The following GTF2IRD1 variants were observed in gnomAD, a reference collection of about 807,000 sequenced individuals.
The protein encoded by GTF2IRD1 is general transcription factor II-I repeat domain-containing protein 1.
A neutral mutation model predicts 113.2 loss-of-function variants in GTF2IRD1; 26 were observed. The ratio of observed to expected loss-of-function variants is 0.23; its 90% CI spans 0.17 to 0.32. The LOEUF (loss-of-function observed/expected upper bound fraction) is 0.32, where lower values mean the gene tolerates loss of function less well. Among genes scored for constraint, GTF2IRD1 ranks in the 10% least tolerant of loss-of-function variants. GTF2IRD1 has a pLI of 1.00. For missense variants in GTF2IRD1, 864 were observed against 1,280.8 expected (o/e 0.67, Z 4.97); for synonymous variants, 484 against 529.1 (o/e 0.91, Z 1.17).
intron 22 of GTF2IRD1, among the ~76,000 whole-genome samples, chr7:74,565,218 C>A (rs1475614281): frequency 6.6e-6 from 1 of 152,122 alleles, no homozygotes; most frequent in Non-Finnish European, 1.5e-5. Flanking sequence ...CTGCCTGCAG[C>A]GGCACTGAAT....
intron 25 of GTF2IRD1, among the ~76,000 whole-genome samples, chr7:74,599,719 C>T (rs1802632058): frequency 1.3e-5 from 2 of 152,162 alleles, no homozygotes; most frequent in African/African-American, 4.8e-5. Flanking sequence ...TTTCAACCTT[C>T]ACCATGTTGC....
At chr7:74,575,889 A>G (rs1326172446) in intron 22 of GTF2IRD1, among the ~76,000 whole-genome samples, 1 of 152,140 alleles carries the variant, frequency 6.6e-6, no homozygotes, top group African/African-American at 2.4e-5. Context: ...TTCAAGCCTT[A>G]AAACAGGCCG....
intron 24 of GTF2IRD1, among the ~76,000 whole-genome samples, chr7:74,592,331 C>T (rs1392964869): frequency 4.6e-5 from 7 of 151,786 alleles, no homozygotes; most frequent in African/African-American, 1.5e-4. Context: ...TCTCAAACTC[C>T]TGACCTCAGG....
chr7:74,521,638 C>T (rs782647196), intron 7 of GTF2IRD1, among the ~76,000 whole-genome samples: 21 of 151,930 alleles, frequency 1.4e-4, no homozygotes, highest in Admixed American at 5.3e-4. Context: ...GGTGCCTACC[C>T]GTAGTCCCAG....
At chr7:74,472,924 C>T (rs1427137930) in intron 1 of GTF2IRD1, among the ~76,000 whole-genome samples, 2 of 152,152 alleles carry the variant, frequency 1.3e-5, no homozygotes, top group African/African-American at 4.8e-5. Flanking sequence ...TTTGCTGCAG[C>T]GTACCCTGGA....
intron 1 of GTF2IRD1, among the ~76,000 whole-genome samples, chr7:74,462,160 G>T (rs970093061): frequency 6.6e-6 from 1 of 151,716 alleles, no homozygotes; most frequent in Non-Finnish European, 1.5e-5. Context: ...GATCACTTGA[G>T]GCCAAGAATT....
At chr7:74,551,466 GC>G (rs1468744978) in intron 17 of GTF2IRD1, among the ~76,000 whole-genome samples, 1 of 152,236 alleles carries the variant, frequency 6.6e-6, no homozygotes, top group Non-Finnish European at 1.5e-5. Flanking sequence ...ACCAAGTCCT[GC>G]CCTGGAGTTG....
intron 1 of GTF2IRD1, among the ~76,000 whole-genome samples, chr7:74,481,817 A>G (rs1332825969): frequency 6.6e-6 from 1 of 152,254 alleles, no homozygotes; most frequent in Non-Finnish European, 1.5e-5. Context: ...TTATAGAATT[A>G]TAAGTCCTGG....
Position 74,476,366 on chromosome 7 carries a change from C to CTTTTTTTTTTTTT in GTF2IRD1, c.-7+22201_-7+22202insTTTTTTTTTTTTT, listed in dbSNP as rs61151844. ...CCCGCTTGGAAGCCTTCTGAACCTCCTTTTTTTTTTTCTTTTGAGACGGAG... is the reference window on the plus strand; with the variant it reads ...CCCGCTTGGAAGCCTTCTGAACCTCCTTTTTTTTTTTTTTTTTTTTTTTTCTTTTGAGACGGAG... On this transcript the variant is annotated intron_variant, in intron 1 of 26. Coordinates refer to ENST00000424337, the MANE Select transcript of GTF2IRD1 (RefSeq NM_005685.4). Among the ~76,000 whole-genome samples, 497 of 122,088 alleles carry CTTTTTTTTTTTTT rather than the reference C, an allele frequency of 4.1e-3. 58 individuals carry two copies. Among genetic ancestry groups the CTTTTTTTTTTTTT allele is most frequent in the African/African-American group, 7.7e-3 (236 of 30,470 alleles). The allele number at this position is 122,088 out of a possible 152,430, so 80.1% of individuals were successfully genotyped here.
In GTF2IRD1 at chr7:74,555,972, G is replaced by A. The variant is rs1799567443; in HGVS notation, c.2023+478G>A. ...TTTTTAAGAAAAGAAATCAGAGGCC[G>A]AGTGCAGTGGCTCACGCCTGTAATC... On this transcript the variant is annotated intron_variant, in intron 19 of 26. Coordinates refer to ENST00000424337, the MANE Select transcript of GTF2IRD1 (RefSeq NM_005685.4). This position sits in a 1 kb window ranked among gnomAD's most constrained non-coding sequence, Gnocchi z 5.3. Among the ~76,000 whole-genome samples, 1 of 152,176 alleles carries A rather than the reference G, an allele frequency of 6.6e-6. No individual in the cohort carries two copies. The highest frequency in any genetic ancestry group is 6.5e-5 in the Admixed American group (1 of 15,272).
At chr7:74,535,625 G>A (rs868976879) in intron 10 of GTF2IRD1, among the ~76,000 whole-genome samples, 6 of 152,170 alleles carry the variant, frequency 3.9e-5, no homozygotes, top group South Asian at 4.1e-4. Flanking sequence ...AGGAAGATGC[G>A]GGCTCTTCCC....
At chr7:74,466,539 G>A (rs782379910) in intron 1 of GTF2IRD1, among the ~76,000 whole-genome samples, 2 of 152,060 alleles carry the variant, frequency 1.3e-5, no homozygotes, top group African/African-American at 2.4e-5. Context: ...GCTCCGTCTC[G>A]CTTCCTGGAA....
intron 24 of GTF2IRD1, among the ~76,000 whole-genome samples, chr7:74,591,607 T>C (rs1220807820): frequency 2.0e-5 from 3 of 152,162 alleles, no homozygotes; most frequent in African/African-American, 7.2e-5. Context: ...CTCGAACTCC[T>C]GACCTGAAGT....
Position 74,519,653 on chromosome 7 carries a change from C to G in GTF2IRD1, c.850C>G (p.Leu284Val). The change falls in exon 6 of 27, where the codon CTG becomes GTG. Residue 284 changes from leucine to valine, a missense_variant. By Grantham distance (32) the Leu-to-Val change is conservative. Around this residue, in one of 7 missense-constraint regions of GTF2IRD1, gnomAD observed 195 missense variants for 196.6 expected, o/e 0.99. Coordinates refer to ENST00000424337, the MANE Select transcript of GTF2IRD1 (RefSeq NM_005685.4). The stretch of plus-strand genomic sequence containing the variant: ...TTCCTGCCCCCTTGCCCCCAGCGAC[C>G]TGGGCCTGAGTCGGCCCATGCCAGA... ...APSCPLAPSD[L>V]GLSRPMPEPK... 6.2e-7 allele frequency: 1 copy of G among 1,610,046 alleles called. No homozygotes were observed. The highest frequency in any genetic ancestry group is 8.5e-7 in the Non-Finnish European group (1 of 1,178,466).
intron 24 of GTF2IRD1, 81 bp downstream of exon 24, chr7:74,591,098 C>A: frequency 1.1e-6 from 1 of 932,122 alleles, no homozygotes; most frequent in Non-Finnish European, 1.7e-6. Context: ...GGTGGGTCAG[C>A]TGGGATCCAG....
At chr7:74,552,841 T>C (rs1425421616) in intron 17 of GTF2IRD1, among the ~76,000 whole-genome samples, 22 of 152,104 alleles carry the variant, frequency 1.4e-4, no homozygotes, top group Non-Finnish European at 2.6e-4. Context: ...TTTGTTTGTT[T>C]TCTATTTTTT....
Position 74,583,563 on chromosome 7 carries a change from G to A in GTF2IRD1, c.2321-6288G>A, listed in dbSNP as rs141801406. Among the ~76,000 whole-genome samples the A allele has an allele frequency of 2.7e-3, 410 of 151,628 alleles. 7 individuals carry two copies. Among genetic ancestry groups the A allele is most frequent in the Admixed American group, 0.025 (372 of 15,176 alleles). On this transcript the variant is annotated intron_variant, in intron 22 of 26. Transcript: ENST00000424337. ...CCCACACTCCAGAGGTGGTCAGGACGCCTCCCCAAACTGCCAGCCCCCTCA... is the reference window on the plus strand; with the variant it reads ...CCCACACTCCAGAGGTGGTCAGGACACCTCCCCAAACTGCCAGCCCCCTCA...
intron 11 of GTF2IRD1, among the ~76,000 whole-genome samples, chr7:74,537,677 T>C (rs587651180): frequency 4.9e-4 from 74 of 152,220 alleles, no homozygotes; most frequent in Non-Finnish European, 6.3e-4. Flanking sequence ...GGCCTCTCCC[T>C]GCAGTTCCCT....
chr7:74,555,317 G>T lies in GTF2IRD1; in HGVS notation c.1966+94G>T, dbSNP rs1799526767. ...CCCCTCCTCCTGCTGCCTCTGTCCT[G>T]CTCCCATCCTGGCCCTGGCATTCTC... is the stretch of plus-strand genomic sequence containing the variant. On this transcript the variant is annotated intron_variant, in intron 18 of 26. Coordinates refer to ENST00000424337, the MANE Select transcript of GTF2IRD1 (RefSeq NM_005685.4). The surrounding 1 kb of genome is among the most constrained non-coding windows in gnomAD (Gnocchi z 5.3). 15 of 1,467,442 alleles carry T rather than the reference G, an allele frequency of 1.0e-5. No individual in the cohort carries two copies. Among genetic ancestry groups the T allele is most frequent in the Non-Finnish European group, 1.4e-5 (15 of 1,049,088 alleles). 90.9% of individuals were successfully genotyped at this position (1,467,442 alleles called of 1,614,324 possible). A position where few individuals can be genotyped will look rare whatever the true frequency, so the allele number is the denominator to read the frequency against.
Sources: allele counts gnomAD v4.1 joint callset (sites outside exome capture counted in the v4.1 genomes callset), GRCh38; gene constraint gnomAD v4.1.1; regional missense constraint gnomAD v4.1.1; non-coding constraint Gnocchi (gnomAD v3.1); transcripts MANE v1.5; gene names NCBI Gene and HGNC (gene_info 2026-07-23, HGNC 2026-07-21).